The following PRKAR1B variants were observed in gnomAD, a reference collection of about 807,000 sequenced individuals.
PRKAR1B encodes the protein cAMP-dependent protein kinase type I-beta regulatory subunit.
PRKAR1B carries 22 observed loss-of-function variants against 46.5 expected under a neutral mutation model. That is an observed-to-expected ratio of 0.47 (90% CI 0.34 to 0.68). PRKAR1B has a LOEUF of 0.68. PRKAR1B is among the 30% of genes least tolerant of loss of function. The pLI is 0.01. For synonymous variants in PRKAR1B, 259 were observed against 217.7 expected (o/e 1.19, Z -1.67); for missense variants, 445 against 535.6 (o/e 0.83, Z 1.67).
In PRKAR1B at chr7:681,186, T is replaced by G. The variant is rs1013174304; in HGVS notation, c.178-460A>C. 1.1e-4 allele frequency among the ~76,000 whole-genome samples: 17 copies of G among 152,240 alleles called. No individual in the cohort carries two copies. The South Asian group carries it at 1.7e-3, about 15-fold the overall frequency. The stretch of plus-strand genomic sequence containing the variant: ...GCGGCTCTGCTTCCCCCCTGCTGCC[T>G]TCTGCTATGATCATAAGTTTCCTGA... On this transcript the variant is annotated intron_variant, in intron 2 of 10. Coordinates refer to ENST00000537384, the MANE Select transcript of PRKAR1B (RefSeq NM_001164760.2).
At chr7:676,461 C>T (rs960252172) in intron 4 of PRKAR1B, among the ~76,000 whole-genome samples, 5 of 152,164 alleles carry the variant, frequency 3.3e-5, no homozygotes, top group African/African-American at 9.6e-5. Context: ...AGCTTAGCAA[C>T]GGCAAGGTAT....
chr7:575,947 G>C (rs1208255920), intron 9 of PRKAR1B, among the ~76,000 whole-genome samples: 1 of 151,704 alleles, frequency 6.6e-6, no homozygotes, highest in Non-Finnish European at 1.5e-5. Flanking sequence ...CGAACATGAC[G>C]CTGGCATCCT....
chr7:685,884 A>G lies in PRKAR1B; in HGVS notation c.178-5158T>C, dbSNP rs1376897329. Reference sequence around the variant, plus strand: ...ATAAAAGGCATAATTCTAGTTTTTTAAAAAATATATAAATATTATCAATAT... The same window carrying G: ...ATAAAAGGCATAATTCTAGTTTTTTGAAAAATATATAAATATTATCAATAT... On this transcript the variant is annotated intron_variant, in intron 2 of 10. Transcript: ENST00000537384. Among the ~76,000 whole-genome samples the G allele has an allele frequency of 3.9e-5, 6 of 152,332 alleles. No homozygotes were observed. The East Asian group carries it at 1.2e-3, about 29-fold the overall frequency.
chr7:715,981 C>A (rs1447393410), intron 1 of PRKAR1B, among the ~76,000 whole-genome samples: 1 of 152,052 alleles, frequency 6.6e-6, no homozygotes, highest in African/African-American at 2.4e-5. Context: ...TCCCAAAGTG[C>A]TGGGATTACA....
At chr7:592,699 T>A (rs1012526477) in intron 7 of PRKAR1B, among the ~76,000 whole-genome samples, 1 of 152,144 alleles carries the variant, frequency 6.6e-6, no homozygotes, top group Non-Finnish European at 1.5e-5. Flanking sequence ...TGGGTAAGGA[T>A]CAGGGTGAAC....
intron 2 of PRKAR1B, among the ~76,000 whole-genome samples, chr7:710,393 G>A (rs1780554589): frequency 6.6e-6 from 1 of 152,192 alleles, no homozygotes; most frequent in Admixed American, 6.5e-5. Flanking sequence ...GACACAGCAG[G>A]AGGTGTCACA....
chr7:612,224 A>G (rs1366742987), intron 4 of PRKAR1B, among the ~76,000 whole-genome samples: 9 of 140,874 alleles, frequency 6.4e-5, no homozygotes, highest in African/African-American at 2.5e-4. Flanking sequence ...GGATGGATAG[A>G]TGGACAGGTG....
intron 4 of PRKAR1B, among the ~76,000 whole-genome samples, chr7:642,570 A>G (rs1356542810): frequency 6.6e-6 from 1 of 151,830 alleles, no homozygotes; most frequent in East Asian, 1.9e-4. Context: ...CTAAAAATAC[A>G]AAAAATTAGC....
chr7:561,291 CAT>C (rs1039438876), intron 9 of PRKAR1B, among the ~76,000 whole-genome samples: 5 of 152,288 alleles, frequency 3.3e-5, no homozygotes, highest in African/African-American at 4.8e-5. Context: ...CACACACACA[CAT>C]CCACAGAGGA....
chr7:713,329 C>A (rs1476420080), intron 1 of PRKAR1B: 1 of 156,032 alleles, frequency 6.4e-6, no homozygotes, highest in African/African-American at 2.5e-5. Context: ...CCTCCACCCA[C>A]CTGCCCAGCC....
chr7:696,177 A>G (rs1779728308), intron 2 of PRKAR1B, among the ~76,000 whole-genome samples: 1 of 151,444 alleles, frequency 6.6e-6, no homozygotes, highest in South Asian at 2.1e-4. Flanking sequence ...GTGTCTTGCT[A>G]TGTTGCCCAG....
At chr7:591,809 C>T (rs994076568) in intron 7 of PRKAR1B, among the ~76,000 whole-genome samples, 2 of 152,218 alleles carry the variant, frequency 1.3e-5, no homozygotes, top group Non-Finnish European at 2.9e-5. Context: ...CCCCAGATGG[C>T]TGCAACACGG....
At chr7:623,807 G>A (rs112739487) in intron 4 of PRKAR1B, among the ~76,000 whole-genome samples, 10,191 of 152,280 alleles carry the variant, frequency 0.067, 372 homozygotes, top group Middle Eastern at 0.1. Flanking sequence ...ACTGAATAAC[G>A]TTTTCTTGGC....
intron 7 of PRKAR1B, among the ~76,000 whole-genome samples, chr7:595,545 C>T (rs967897743): frequency 6.6e-6 from 1 of 152,126 alleles, no homozygotes; most frequent in Non-Finnish European, 1.5e-5. Context: ...GGAAAGGGTC[C>T]TCCCCGGGCT....
Position 631,441 on chromosome 7 carries a change from G to A in PRKAR1B, c.441-23989C>T, listed in dbSNP as rs531686428. On this transcript the variant is annotated intron_variant, in intron 4 of 10. Coordinates refer to ENST00000537384, the MANE Select transcript of PRKAR1B (RefSeq NM_001164760.2). ...ACCTAACCTGGGATGACTCAGGAAGGAAAACAGGCAGAAGCCGGTCACCTT... is the reference window on the plus strand; with the variant it reads ...ACCTAACCTGGGATGACTCAGGAAGAAAAACAGGCAGAAGCCGGTCACCTT... 6.5e-4 allele frequency among the ~76,000 whole-genome samples: 99 copies of A among 152,326 alleles called. 1 individual carries two copies. In the South Asian group the frequency reaches 0.019, roughly 30 times the overall value.
chr7:599,886 T>C (rs1781495094), intron 6 of PRKAR1B, among the ~76,000 whole-genome samples: 2 of 132,448 alleles, frequency 1.5e-5, no homozygotes, highest in African/African-American at 5.9e-5. Context: ...GGCCCCCCAT[T>C]CACCTTCACT....
intron 5 of PRKAR1B, among the ~76,000 whole-genome samples, chr7:606,524 C>T (rs906126174): frequency 2.6e-5 from 4 of 152,156 alleles, no homozygotes; most frequent in African/African-American, 4.8e-5. Context: ...CGGCTCACTG[C>T]AACCTCCACC....
rs1359840450 is a variant in PRKAR1B at position 685,338 on chromosome 7, G to A, written c.178-4612C>T. On this transcript the variant is annotated intron_variant, in intron 2 of 10. Transcript: ENST00000537384. ...TATACGTATATATACGTATATATAC[G>A]TATATATATGTATACATATATATAT... is the stretch of plus-strand genomic sequence containing the variant. Among the ~76,000 whole-genome samples the A allele has an allele frequency of 7.1e-4, 40 of 56,462 alleles. 4 individuals carry two copies. Among genetic ancestry groups the A allele is most frequent in the African/African-American group, 1.0e-3 (12 of 11,532 alleles). 37.0% of individuals were successfully genotyped at this position (56,462 alleles called of 152,430 possible). A position where few individuals can be genotyped will look rare whatever the true frequency, so the allele number is the denominator to read the frequency against.
At chr7:640,032 A>G (rs1418084966) in intron 4 of PRKAR1B, among the ~76,000 whole-genome samples, 2 of 150,878 alleles carry the variant, frequency 1.3e-5, no homozygotes, top group Non-Finnish European at 3.0e-5. Flanking sequence ...GCGTGGTGGC[A>G]TGCGCCTGTA....
Sources: gnomAD v4.1 joint callset for allele counts (sites outside exome capture counted in the v4.1 genomes callset) on GRCh38, gnomAD v4.1.1 for gene constraint, MANE v1.5 for transcripts, NCBI Gene and HGNC (gene_info 2026-07-23, HGNC 2026-07-21) for gene names.